The following GOLGA7B variants were observed in gnomAD, a reference collection of about 807,000 sequenced individuals.
The protein encoded by GOLGA7B is golgin A7 family member B.
In GOLGA7B, 17 loss-of-function variants were observed where a neutral mutation model predicts 21.5. The observed-to-expected ratio is 0.79, with a 90% CI of 0.54 to 1.19. The LOEUF (loss-of-function observed/expected upper bound fraction) is 1.19. Among genes scored for constraint, GOLGA7B ranks in the 50% most tolerant of loss-of-function variants. The pLI, the probability that GOLGA7B is intolerant of heterozygous loss-of-function variation, is 0.00. For missense variants in GOLGA7B, 169 were observed against 224.4 expected (o/e 0.75, Z 1.58); for synonymous variants, 87 against 84.0 (o/e 1.04, Z -0.19).
intron 1 of GOLGA7B, among the ~76,000 whole-genome samples, chr10:97,857,269 G>A (rs548568662): frequency 1.3e-5 from 2 of 151,714 alleles, no homozygotes; most frequent in South Asian, 4.2e-4. Flanking sequence ...GAGAACTAGG[G>A]GTCCAGTTTA....
At chr10:97,850,357 G>T (rs1196521323) in intron 1 of GOLGA7B, 42 bp downstream of exon 1, 13 of 1,503,366 alleles carry the variant, frequency 8.6e-6, no homozygotes, top group Non-Finnish European at 1.2e-5. Context: ...CCCGATTGCC[G>T]CGGGACCAAA....
chr10:97,857,756 A>G (rs2049945489), intron 1 of GOLGA7B, among the ~76,000 whole-genome samples: 1 of 152,258 alleles, frequency 6.6e-6, no homozygotes, highest in East Asian at 1.9e-4. Context: ...CTACGAGGCT[A>G]TAATAACCAA....
rs1402572608 is a variant in GOLGA7B, at chr10:97,849,969, CCCG to C, written c.-320_-318del. 6.6e-6 allele frequency among the ~76,000 whole-genome samples: 1 copy of C among 150,882 alleles called. No individual in the cohort carries two copies. The highest frequency in any genetic ancestry group is 1.5e-5 in the Non-Finnish European group (1 of 67,454). ...CCCTCCTCCCCCGGCCGCCCCCATC[CCCG>C]CCGCCGCCGCCGCCAAAGCTAAACC... On this transcript the variant is annotated 5_prime_UTR_variant, in exon 1 of 5. Coordinates refer to ENST00000370602, the MANE Select transcript of GOLGA7B (RefSeq NM_001010917.3).
chr10:97,870,640 T>C lies in GOLGA7B; in HGVS notation c.*4940T>C, dbSNP rs1480001329. 1 of 152,102 alleles carries C rather than the reference T, an allele frequency of 6.6e-6. No individual in the cohort carries two copies. The highest frequency in any genetic ancestry group is 6.5e-5 in the Admixed American group (1 of 15,274). 9.4% of individuals were successfully genotyped at this position (152,102 alleles called of 1,614,324 possible). A position where few individuals can be genotyped will look rare whatever the true frequency, so the allele number is the denominator to read the frequency against. On this transcript the variant is annotated 3_prime_UTR_variant, in exon 5 of 5. Transcript: ENST00000370602. ...CCAGAAAAGCCTGTTGGCTACAAAA[T>C]AGGAAAAGAAAGGACACACTTGAAA... is the stretch of plus-strand genomic sequence containing the variant.
At position 97,866,125 on chromosome 10, in the gene GOLGA7B, T is replaced by C. The variant is rs2050021296; in HGVS notation, c.*425T>C. The stretch of plus-strand genomic sequence containing the variant: ...CAAACCCATATCCACCAGGACTCTT[T>C]CCCTTGGGCCCTGCGTCCCGTGGCT... On this transcript the variant is annotated 3_prime_UTR_variant, in exon 5 of 5. Coordinates refer to ENST00000370602, the MANE Select transcript of GOLGA7B (RefSeq NM_001010917.3). 2 of 169,672 alleles carry C rather than the reference T, an allele frequency of 1.2e-5. No individual in the cohort carries two copies. Among genetic ancestry groups the C allele is most frequent in the African/African-American group, 4.7e-5 (2 of 42,210 alleles). The allele number at this position is 169,672 out of a possible 1,614,324, so 10.5% of individuals were successfully genotyped here. A position where few individuals can be genotyped will look rare whatever the true frequency, so the allele number is the denominator to read the frequency against.
intron 1 of GOLGA7B, among the ~76,000 whole-genome samples, chr10:97,853,648 A>G (rs1012040949): frequency 6.6e-6 from 1 of 152,170 alleles, no homozygotes; most frequent in Non-Finnish European, 1.5e-5. Context: ...AGGGTTGAGG[A>G]AGGTGAGAAG....
chr10:97,857,988 T>C (rs911406222), intron 1 of GOLGA7B, among the ~76,000 whole-genome samples: 1 of 152,216 alleles, frequency 6.6e-6, no homozygotes, highest in Non-Finnish European at 1.5e-5. Flanking sequence ...TCCTCTACAA[T>C]CTCATCTCCC....
chr10:97,862,972 G>A (rs1426174849), intron 2 of GOLGA7B, among the ~76,000 whole-genome samples: 1 of 152,128 alleles, frequency 6.6e-6, no homozygotes, highest in Non-Finnish European at 1.5e-5. Flanking sequence ...GAGGAGAGGA[G>A]GAGACGGGCC....
intron 1 of GOLGA7B, among the ~76,000 whole-genome samples, chr10:97,854,601 A>G (rs2049923885): frequency 6.6e-6 from 1 of 152,232 alleles, no homozygotes; most frequent in Non-Finnish European, 1.5e-5. Context: ...CAGGGAGAGA[A>G]GCAGATCTCT....
At position 97,852,405 on chromosome 10, in the gene GOLGA7B, G is replaced by T. The variant is rs368840418; in HGVS notation, c.12+2090G>T. 2.0e-5 allele frequency among the ~76,000 whole-genome samples: 3 copies of T among 152,278 alleles called. No individual in the cohort carries two copies. In the East Asian group the frequency reaches 5.8e-4, roughly 29 times the overall value. On this transcript the variant is annotated intron_variant, in intron 1 of 4. Transcript: ENST00000370602. The stretch of plus-strand genomic sequence containing the variant: ...CAGAGGAAAGTCCCGGAGTGATGGG[G>T]AGCTGAGGACAAACATTCCTCACTT...
rs58858224 is a variant in GOLGA7B at position 97,870,160 on chromosome 10, TTTAA to T, written c.*4463_*4466del. 15,246 of 152,130 alleles carry T rather than the reference TTTAA, an allele frequency of 0.1. 1,322 individuals are homozygous for T. The highest frequency in any genetic ancestry group is 0.23 in the African/African-American group (9,715 of 41,442). The allele number at this position is 152,130 out of a possible 1,614,324, so 9.4% of individuals were successfully genotyped here. A position where few individuals can be genotyped will look rare whatever the true frequency, so the allele number is the denominator to read the frequency against. ...CTGATCCTATCCTCAGAGATTCTGA[TTTAA>T]TTGTTTTGGGGGACAGCTTGGGCAT... On this transcript the variant is annotated 3_prime_UTR_variant, in exon 5 of 5. Transcript: ENST00000370602.
chr10:97,859,377 G>A (rs2049956328), intron 1 of GOLGA7B, 81 bp from the exon 2 acceptor site: 1 of 1,422,300 alleles, frequency 7.0e-7, no homozygotes, highest in Non-Finnish European at 9.7e-7. Flanking sequence ...TGGAAGACCT[G>A]CATTCTGGGA....
At chr10:97,865,319 G>A in intron 4 of GOLGA7B, 1 of 461,400 alleles carries the variant, frequency 2.2e-6, no homozygotes, top group Non-Finnish European at 3.8e-6. Context: ...CCACTGGAAT[G>A]TAAGCGCCAT....
intron 2 of GOLGA7B, among the ~76,000 whole-genome samples, chr10:97,861,751 C>T (rs965179606): frequency 6.6e-6 from 1 of 152,234 alleles, no homozygotes; most frequent in Admixed American, 6.5e-5. Flanking sequence ...TGATATGACC[C>T]GGAGCCAGCT....
intron 1 of GOLGA7B, among the ~76,000 whole-genome samples, chr10:97,853,149 T>G (rs937935748): frequency 6.6e-6 from 1 of 152,200 alleles, no homozygotes; most frequent in Non-Finnish European, 1.5e-5. Context: ...GCTTGAGCAC[T>G]GGTACAGGCT....
chr10:97,866,946 C>A lies in GOLGA7B; in HGVS notation c.*1246C>A, dbSNP rs540332683. Reference sequence around the variant, plus strand: ...TCTTCCCTGTGTGGGTCCAGCCTGACCCCCTGTAAGTAAATGTCCAAAAGC... The same window carrying A: ...TCTTCCCTGTGTGGGTCCAGCCTGAACCCCTGTAAGTAAATGTCCAAAAGC... On this transcript the variant is annotated 3_prime_UTR_variant, in exon 5 of 5. Transcript: ENST00000370602. 21 of 152,338 alleles carry A rather than the reference C, an allele frequency of 1.4e-4. No individual in the cohort carries two copies. Among genetic ancestry groups the A allele is most frequent in the Admixed American group, 1.3e-3 (20 of 15,304 alleles). 9.4% of individuals were successfully genotyped at this position (152,338 alleles called of 1,614,324 possible).
intron 1 of GOLGA7B, among the ~76,000 whole-genome samples, chr10:97,851,904 C>T (rs1401274511): frequency 6.6e-6 from 1 of 152,244 alleles, no homozygotes; most frequent in African/African-American, 2.4e-5. Flanking sequence ...GGGCTCTGCT[C>T]ATAACGCCTC....
At position 97,867,451 on chromosome 10, in the gene GOLGA7B, T is replaced by A. The variant is rs570442493; in HGVS notation, c.*1751T>A. 1 of 152,370 alleles carries A rather than the reference T, an allele frequency of 6.6e-6. No individual in the cohort carries two copies. Among genetic ancestry groups the A allele is most frequent in the East Asian group, 1.9e-4 (1 of 5,184 alleles). 9.4% of individuals were successfully genotyped at this position (152,370 alleles called of 1,614,324 possible). A position where few individuals can be genotyped will look rare whatever the true frequency, so the allele number is the denominator to read the frequency against. ...GAGAGGCCTGCTTTTCTACCAGACA[T>A]GGGAGCAGCATGTAGGATACAAGGG... On this transcript the variant is annotated 3_prime_UTR_variant, in exon 5 of 5. Coordinates refer to ENST00000370602, the MANE Select transcript of GOLGA7B (RefSeq NM_001010917.3).
Position 97,852,437 on chromosome 10 carries a change from T to A in GOLGA7B, c.12+2122T>A, listed in dbSNP as rs937824784. 3.3e-5 allele frequency among the ~76,000 whole-genome samples: 5 copies of A among 152,076 alleles called. No individual in the cohort carries two copies. In the East Asian group the frequency reaches 5.8e-4, roughly 18 times the overall value. ...GGACAAACATTCCTCACTTCACAAT[T>A]TGGCCTTGGGTGGACTCTGATGGCA... On this transcript the variant is annotated intron_variant, in intron 1 of 4. Coordinates refer to ENST00000370602, the MANE Select transcript of GOLGA7B (RefSeq NM_001010917.3).
Sources: gnomAD v4.1 joint callset for allele counts (sites outside exome capture counted in the v4.1 genomes callset) on GRCh38, gnomAD v4.1.1 for gene constraint, MANE v1.5 for transcripts, NCBI Gene and HGNC (gene_info 2026-07-23, HGNC 2026-07-21) for gene names.